TANC2: variants seen among roughly 807,000 people sequenced by gnomAD.
The protein encoded by TANC2 is protein TANC2.
In TANC2, 26 loss-of-function variants were observed where a neutral mutation model predicts 210.5. The ratio of observed to expected loss-of-function variants is 0.12; its 90% confidence interval spans 0.09 to 0.17. The LOEUF (loss-of-function observed/expected upper bound fraction) is 0.17. Ranked by LOEUF, TANC2 falls within the 10% of genes least tolerant of loss-of-function variation. The probability of loss-of-function intolerance (pLI) is 1.00; values close to 1 mark genes in which losing one functional copy is unlikely to be tolerated. For synonymous variants in TANC2, 931 were observed against 967.1 expected (o/e 0.96, Z 0.69); for missense variants, 2,129 against 2,608.9 (o/e 0.82, Z 4.01).
chr17:63,227,561 G>C (rs1293490858), intron 7 of TANC2, among the ~76,000 whole-genome samples: 1 of 152,138 alleles, frequency 6.6e-6, no homozygotes, highest in Non-Finnish European at 1.5e-5. Flanking sequence ...TAGGTTGTCA[G>C]TTCACTCTGA....
At chr17:63,368,608 G>A (rs1487921627) in intron 14 of TANC2, among the ~76,000 whole-genome samples, 1 of 152,214 alleles carries the variant, frequency 6.6e-6, no homozygotes, top group Non-Finnish European at 1.5e-5. Context: ...CAAAGGAGAA[G>A]GCAGTTTCAA....
chr17:63,250,538 C>T (rs1245270957), intron 8 of TANC2, among the ~76,000 whole-genome samples: 1 of 152,058 alleles, frequency 6.6e-6, no homozygotes, highest in Non-Finnish European at 1.5e-5. Flanking sequence ...TGATGATGTA[C>T]AAGGCATTGT....
chr17:63,416,261 G>A (rs1378215360), intron 26 of TANC2, among the ~76,000 whole-genome samples: 1 of 152,048 alleles, frequency 6.6e-6, no homozygotes, highest in African/African-American at 2.4e-5. Context: ...TGCCTACCTT[G>A]CAGACCCATC....
chr17:63,083,685 A>G (rs1468328082), intron 3 of TANC2, among the ~76,000 whole-genome samples: 1 of 152,192 alleles, frequency 6.6e-6, no homozygotes, highest in East Asian at 1.9e-4. Context: ...ATTTGTTTTC[A>G]GTCTTCAGAC....
chr17:63,378,112 G>A (rs915940386), intron 14 of TANC2, among the ~76,000 whole-genome samples: 2 of 152,114 alleles, frequency 1.3e-5, no homozygotes, highest in East Asian at 1.9e-4. Context: ...ATAGAGAGAC[G>A]GTTCTAAGTG....
intron 3 of TANC2, among the ~76,000 whole-genome samples, chr17:63,083,565 C>CT (rs1182925481): frequency 6.6e-6 from 1 of 152,186 alleles, no homozygotes; most frequent in African/African-American, 2.4e-5. Flanking sequence ...AGATACTTCT[C>CT]TGAGTTTTGA....
chr17:63,253,805 TTTGTTGTTG>T, intron 8 of TANC2, among the ~76,000 whole-genome samples: 1 of 150,764 alleles, frequency 6.6e-6, no homozygotes, highest in African/African-American at 2.4e-5. Flanking sequence ...TTTGAGGGTT[TTTGTTGTTG>T]TTGTTGTTGT....
intron 1 of TANC2, among the ~76,000 whole-genome samples, chr17:62,973,528 G>A (rs1246255909): frequency 6.6e-6 from 1 of 152,172 alleles, no homozygotes; most frequent in East Asian, 1.9e-4. Flanking sequence ...TGTGGAATTA[G>A]AGGAAACTTT....
At chr17:63,263,186 A>G (rs942147751) in intron 8 of TANC2, among the ~76,000 whole-genome samples, 24 of 152,288 alleles carry the variant, frequency 1.6e-4, no homozygotes, top group African/African-American at 5.5e-4. Context: ...AACGTTATTA[A>G]ATGTAAAACT....
At chr17:63,267,047 T>C (rs1440958340) in intron 8 of TANC2, among the ~76,000 whole-genome samples, 1 of 151,892 alleles carries the variant, frequency 6.6e-6, no homozygotes, top group Non-Finnish European at 1.5e-5. Context: ...GGAGACAGGG[T>C]TTTGCCATGT....
At chr17:63,335,542 G>T (rs998869478) in intron 11 of TANC2, among the ~76,000 whole-genome samples, 2 of 151,846 alleles carry the variant, frequency 1.3e-5, no homozygotes, top group Non-Finnish European at 2.9e-5. Context: ...GAACCTGGGA[G>T]GCGGAGGTTG....
chr17:63,158,925 A>G lies in TANC2; in HGVS notation c.433+7545A>G, dbSNP rs76604920. 9.2e-3 allele frequency among the ~76,000 whole-genome samples: 1,407 copies of G among 152,272 alleles called. 24 individuals carry two copies. The highest frequency in any genetic ancestry group is 0.031 in the African/African-American group (1,295 of 41,536). On this transcript the variant is annotated intron_variant, in intron 5 of 27. Coordinates refer to ENST00000689528, the Ensembl canonical transcript of TANC2. ...AGTTATTAGAAGGATTCAGATCTTC[A>G]TGGGCTGTTGAACTGAGGGCTTCTA...
intron 7 of TANC2, among the ~76,000 whole-genome samples, chr17:63,236,184 G>A (rs568300658): frequency 7.9e-5 from 12 of 152,146 alleles, no homozygotes; most frequent in East Asian, 1.9e-4. Flanking sequence ...TTTAGGGACC[G>A]CTGAGGCTCT....
At chr17:63,216,705 G>A (rs1186456539) in intron 7 of TANC2, among the ~76,000 whole-genome samples, 12 of 152,146 alleles carry the variant, frequency 7.9e-5, no homozygotes, top group Admixed American at 6.6e-4. Context: ...ATTGTTGGGT[G>A]GCAGCAAAAA....
intron 11 of TANC2, among the ~76,000 whole-genome samples, chr17:63,336,905 TATG>T (rs2046050058): frequency 1.3e-5 from 2 of 152,230 alleles, no homozygotes; most frequent in Non-Finnish European, 2.9e-5. Context: ...AGTGACTATG[TATG>T]ATGACTTTCT....
chr17:63,124,393 AC>A (rs2038621379), intron 4 of TANC2, among the ~76,000 whole-genome samples: 1 of 152,054 alleles, frequency 6.6e-6, no homozygotes, highest in Admixed American at 6.6e-5. Flanking sequence ...GAGGCTTGGA[AC>A]CGTTTGAGTG....
In TANC2 at chr17:63,376,884, C is replaced by G. The variant is rs576842164; in HGVS notation, c.2583-2834C>G. Among the ~76,000 whole-genome samples, 15 of 148,282 alleles carry G rather than the reference C, an allele frequency of 1.0e-4. No homozygotes were observed. In the South Asian group the frequency reaches 3.3e-3, roughly 32 times the overall value. ...CCAGGCTGGAGTGCAGTGGCACAAT[C>G]TCAGCTCACTGCAAGCTCCGCCTCC... On this transcript the variant is annotated intron_variant, in intron 14 of 27. Coordinates refer to ENST00000689528, the Ensembl canonical transcript of TANC2.
rs754032554 is a variant in TANC2, at chr17:63,087,696, GC to G, written c.140-11475del. Among the ~76,000 whole-genome samples, 12 of 152,176 alleles carry G rather than the reference GC, an allele frequency of 7.9e-5. No individual in the cohort carries two copies. In the East Asian group the frequency reaches 1.7e-3, roughly 22 times the overall value. Reference sequence around the variant, plus strand: ...GAGATAAAACTCACAAAAGATTGGGGCCCCTCTGAAACTGGGTCCCCTCAGA... The same window carrying G: ...GAGATAAAACTCACAAAAGATTGGGGCCCTCTGAAACTGGGTCCCCTCAGA... On this transcript the variant is annotated intron_variant, in intron 3 of 27. Transcript: ENST00000689528.
chr17:63,075,413 G>A (rs891762767), intron 3 of TANC2, among the ~76,000 whole-genome samples: 6 of 152,158 alleles, frequency 3.9e-5, no homozygotes, highest in African/African-American at 4.8e-5. Flanking sequence ...GGACAACTAC[G>A]TGATCTCAAT....
Sources: gnomAD v4.1 joint callset for allele counts (sites outside exome capture counted in the v4.1 genomes callset) on GRCh38, gnomAD v4.1.1 for gene constraint, MANE v1.5 for transcripts, NCBI Gene and HGNC (gene_info 2026-07-23, HGNC 2026-07-21) for gene names.